SUZ12: variants seen among roughly 807,000 people sequenced by gnomAD.
SUZ12 encodes the protein SUZ12 polycomb repressive complex 2 subunit, also known as polycomb protein SUZ12.
Under a neutral mutation model 87.3 loss-of-function variants are expected in SUZ12, and 17 were observed. The observed-to-expected ratio is 0.19, with a 90% CI of 0.13 to 0.29. The LOEUF is 0.29. Ranked by LOEUF, SUZ12 falls within the 10% of genes least tolerant of loss-of-function variation. SUZ12 has a pLI of 1.00. For missense variants in SUZ12, 526 were observed against 912.2 expected, an observed-to-expected ratio of 0.58 and a Z score of 5.45; for synonymous variants, 253 against 312.4, an observed-to-expected ratio of 0.81 and a Z score of 2.01.
chr17:31,976,973 C>T (rs772728702), intron 8 of SUZ12, among the ~76,000 whole-genome samples: 2 of 152,260 alleles, frequency 1.3e-5, no homozygotes, highest in South Asian at 4.2e-4. Flanking sequence ...ACTAATGTCA[C>T]TTAGTGATGA....
At chr17:31,939,335 C>T (rs962773276) in intron 1 of SUZ12, among the ~76,000 whole-genome samples, 35 of 151,832 alleles carry the variant, frequency 2.3e-4, no homozygotes, top group East Asian at 7.7e-4. Flanking sequence ...GAGGCTGAGG[C>T]AGGAGGATCT....
chr17:31,991,509 CTAAT>C (rs1381542030), intron 10 of SUZ12, among the ~76,000 whole-genome samples: 2 of 150,836 alleles, frequency 1.3e-5, no homozygotes, highest in Admixed American at 1.3e-4. Flanking sequence ...CAAATTATAC[CTAAT>C]TGTTAATTAT....
chr17:31,987,184 G>C (rs1000588526), intron 9 of SUZ12, among the ~76,000 whole-genome samples: 1 of 152,036 alleles, frequency 6.6e-6, no homozygotes, highest in Non-Finnish European at 1.5e-5. Flanking sequence ...TTTAGCTTAG[G>C]GTCACTAGTA....
In SUZ12 at chr17:32,000,601, G is replaced by A. The variant is rs530977747; in HGVS notation, c.*1598G>A. On this transcript the variant is annotated 3_prime_UTR_variant, in exon 16 of 16. Transcript: ENST00000322652. ...TAGTAGATCTCGAGCGTTTATCTCGGGCTTTAATTTGCTAAAGCTGTGCAC... is the reference window on the plus strand; with the variant it reads ...TAGTAGATCTCGAGCGTTTATCTCGAGCTTTAATTTGCTAAAGCTGTGCAC... 4.3e-6 allele frequency: 1 copy of A among 231,660 alleles called. No homozygotes were observed. Among genetic ancestry groups the A allele is most frequent in the Admixed American group, 5.7e-5 (1 of 17,654 alleles). The allele number at this position is 231,660 out of a possible 1,614,324, so 14.4% of individuals were successfully genotyped here. A position where few individuals can be genotyped will look rare whatever the true frequency, so the allele number is the denominator to read the frequency against.
chr17:31,956,632 T>C (rs1253108916), intron 4 of SUZ12, among the ~76,000 whole-genome samples: 2 of 152,154 alleles, frequency 1.3e-5, no homozygotes, highest in South Asian at 2.1e-4. Flanking sequence ...CCTCGAGATA[T>C]CACCGAAAAC....
At chr17:31,957,920 T>G (rs1162301674) in intron 4 of SUZ12, among the ~76,000 whole-genome samples, 4 of 138,686 alleles carry the variant, frequency 2.9e-5, no homozygotes, top group African/African-American at 1.1e-4. Context: ...TTTTTTTTTT[T>G]GAGACAGAGT....
intron 4 of SUZ12, 81 bp from the exon 5 acceptor site, chr17:31,966,066 T>C: frequency 7.9e-7 from 1 of 1,270,336 alleles, no homozygotes; most frequent in Non-Finnish European, 1.1e-6. Context: ...TAACTTTGAT[T>C]TCAATGTTAT....
At chr17:31,940,595 T>C (rs2142117670) in intron 3 of SUZ12, 109 bp downstream of exon 3, 1 of 1,456,398 alleles carries the variant, frequency 6.9e-7, no homozygotes, top group East Asian at 2.5e-5. Flanking sequence ...GTACTATTTC[T>C]AACTAAAGAT....
intron 5 of SUZ12, chr17:31,967,624 A>C (rs1908175559): frequency 6.6e-6 from 1 of 152,384 alleles, no homozygotes; most frequent in Non-Finnish European, 1.5e-5. Context: ...TCATGTCTGT[A>C]ATCTCAGCAT....
At chr17:31,942,671 G>C (rs374123811) in intron 3 of SUZ12, among the ~76,000 whole-genome samples, 1 of 152,122 alleles carries the variant, frequency 6.6e-6, no homozygotes, top group Non-Finnish European at 1.5e-5. Flanking sequence ...AAACACTTTT[G>C]AAATCAATAG....
chr17:32,000,732 G>T lies in SUZ12; in HGVS notation c.*1729G>T, dbSNP rs1012931710. Reference sequence around the variant, plus strand: ...TTATGCTCTTAATGCTTAAAAGAAGGCTAGCATTGTTTGCACAAAAAGTTG... The same window carrying T: ...TTATGCTCTTAATGCTTAAAAGAAGTCTAGCATTGTTTGCACAAAAAGTTG... On this transcript the variant is annotated 3_prime_UTR_variant, in exon 16 of 16. Coordinates refer to ENST00000322652, the MANE Select transcript of SUZ12 (RefSeq NM_015355.4). The T allele has an allele frequency of 2.6e-5, 6 of 231,478 alleles. No homozygotes were observed. Among genetic ancestry groups the T allele is most frequent in the East Asian group, 6.2e-5 (1 of 16,218 alleles). The allele number at this position is 231,478 out of a possible 1,614,324, so 14.3% of individuals were successfully genotyped here.
At chr17:31,998,632 A>G (rs757485431) in intron 15 of SUZ12, 26 bp from the exon 16 acceptor site, 3 of 1,492,016 alleles carry the variant, frequency 2.0e-6, no homozygotes, top group East Asian at 2.3e-5. Context: ...TTGTATTGCT[A>G]TTCATATTCT....
At chr17:31,994,095 T>G in intron 12 of SUZ12, 87 bp downstream of exon 12, 1 of 1,336,622 alleles carries the variant, frequency 7.5e-7, no homozygotes, top group Non-Finnish European at 9.9e-7. Context: ...CACAAAAATT[T>G]TTTAAATTAA....
At chr17:31,962,299 A>C (rs1352044413) in intron 4 of SUZ12, among the ~76,000 whole-genome samples, 1 of 151,960 alleles carries the variant, frequency 6.6e-6, no homozygotes, top group Admixed American at 6.6e-5. Context: ...TTGAATTAAA[A>C]CCTTAAACAG....
At chr17:31,997,666 CAAAAAAAAAAAA>C (rs892389046) in intron 15 of SUZ12, among the ~76,000 whole-genome samples, 74 of 70,410 alleles carry the variant, frequency 1.1e-3, no homozygotes, top group Middle Eastern at 8.1e-3. Flanking sequence ...ACCCTATCTC[CAAAAAAAAAAAA>C]AAAAAAAAAG....
intron 4 of SUZ12, among the ~76,000 whole-genome samples, chr17:31,953,591 A>G (rs1907114331): frequency 6.6e-6 from 1 of 151,824 alleles, no homozygotes; most frequent in Non-Finnish European, 1.5e-5. Context: ...GAATTTTTGT[A>G]GAGTCAGGGT....
intron 4 of SUZ12, among the ~76,000 whole-genome samples, chr17:31,955,609 A>G (rs1157534571): frequency 6.6e-6 from 1 of 152,008 alleles, no homozygotes; most frequent in Non-Finnish European, 1.5e-5. Context: ...TTAGCTGGGC[A>G]GAGTGTCGTG....
chr17:31,939,023 G>A (rs934254409), intron 1 of SUZ12, among the ~76,000 whole-genome samples: 1 of 152,160 alleles, frequency 6.6e-6, no homozygotes, highest in African/African-American at 2.4e-5. Context: ...GGTCATTAAT[G>A]TAACTGATAT....
intron 6 of SUZ12, among the ~76,000 whole-genome samples, chr17:31,974,134 C>CAGT (rs1395319877): frequency 1.3e-5 from 2 of 151,878 alleles, no homozygotes; most frequent in African/African-American, 4.8e-5. Context: ...TGCTTGAGCC[C>CAGT]AGTAAGTCGA....
Sources: gnomAD v4.1 joint callset for allele counts (sites outside exome capture counted in the v4.1 genomes callset) on GRCh38, gnomAD v4.1.1 for gene constraint, MANE v1.5 for transcripts, NCBI Gene and HGNC (gene_info 2026-07-23, HGNC 2026-07-21) for gene names.